Variants in RSBN1L observed in about 807,000 individuals in gnomAD.
RSBN1L encodes lysine-specific demethylase RSBN1L.
Under a neutral mutation model 67.7 loss-of-function variants are expected in RSBN1L, and 30 were observed. The ratio of observed to expected loss-of-function variants is 0.44; its 90% CI spans 0.33 to 0.60. RSBN1L has a LOEUF of 0.60. RSBN1L is among the 20% of genes least tolerant of loss of function. The pLI is 0.02. For synonymous variants in RSBN1L, 433 were observed against 387.0 expected, an observed-to-expected ratio of 1.12 and a Z score of -1.39; for missense variants, 992 against 1,031.7, an observed-to-expected ratio of 0.96 and a Z score of 0.53.
chr7:77,757,320 A>G (rs767776698), intron 3 of RSBN1L, among the ~76,000 whole-genome samples: 14 of 152,202 alleles, frequency 9.2e-5, no homozygotes, highest in Non-Finnish European at 7.3e-5. Flanking sequence ...TCTGTTTTCC[A>G]TCTTCATCTG....
Position 77,696,490 on chromosome 7 carries a change from C to G in RSBN1L, c.21C>G (p.Pro7=), listed in dbSNP as rs368115039. Residue 7 remains proline, a synonymous_variant, in exon 1 of 8, where the codon CCC becomes CCG. Coordinates refer to ENST00000334955, the MANE Select transcript of RSBN1L (RefSeq NM_198467.3). ...GCAAAATGGCGGAACCGCCGAGCCCCGTGCACTGTGTCGCTGCCGCGGCCC... is the reference window on the plus strand; with the variant it reads ...GCAAAATGGCGGAACCGCCGAGCCCGGTGCACTGTGTCGCTGCCGCGGCCC... MAEPPS[P]VHCVAAAAPT... 5.6e-6 allele frequency: 9 copies of G among 1,612,804 alleles called. No individual in the cohort carries two copies. In the African/African-American group the frequency reaches 1.2e-4, roughly 22 times the overall value.
At chr7:77,725,407 C>A (rs149252214) in intron 1 of RSBN1L, among the ~76,000 whole-genome samples, 1 of 31,680 alleles carries the variant, frequency 3.2e-5, no homozygotes, top group East Asian at 4.2e-4. Flanking sequence ...GCCACCATGC[C>A]CGGCTTATTT....
intron 6 of RSBN1L, among the ~76,000 whole-genome samples, chr7:77,774,926 G>A: frequency 6.6e-6 from 1 of 151,810 alleles, no homozygotes; most frequent in Non-Finnish European, 1.5e-5. Context: ...CAGTGGTGCT[G>A]TCATGGCTCA....
rs953174547 is a variant in RSBN1L at position 77,779,722 on chromosome 7, A to G, written c.*554A>G. 1 of 151,804 alleles carries G rather than the reference A, an allele frequency of 6.6e-6. No individual in the cohort carries two copies. The allele number at this position is 151,804 out of a possible 1,614,324, so 9.4% of individuals were successfully genotyped here. ...AATTCATTTAAGTCATTTGATAATG[A>G]TTCTCTGCTGGTATATCTATTTAGT... On this transcript the variant is annotated 3_prime_UTR_variant, in exon 8 of 8. Coordinates refer to ENST00000334955, the MANE Select transcript of RSBN1L (RefSeq NM_198467.3).
rs778958476 is a variant in RSBN1L at position 77,696,781 on chromosome 7, C to T, written c.312C>T (p.Phe104=). 4 of 1,613,816 alleles carry T rather than the reference C, an allele frequency of 2.5e-6. No homozygotes were observed. The highest frequency in any genetic ancestry group is 2.2e-5 in the East Asian group (1 of 44,890). ...APSPSSSRSS[F]SFSAGTAVPS... ...CCCCGTCCTCTTCTCGGAGCAGTTT[C>T]TCTTTCTCCGCTGGCACGGCCGTTC... Residue 104 remains phenylalanine, a synonymous_variant, in exon 1 of 8, where the codon TTC becomes TTT. Coordinates refer to ENST00000334955, the MANE Select transcript of RSBN1L (RefSeq NM_198467.3).
chr7:77,758,714 C>T (rs1165161923), intron 3 of RSBN1L, among the ~76,000 whole-genome samples: 3 of 152,104 alleles, frequency 2.0e-5, no homozygotes, highest in Non-Finnish European at 2.9e-5. Flanking sequence ...TGACCACGTT[C>T]GTTTTAGGTT....
At chr7:77,753,232 A>G (rs1791576262) in intron 3 of RSBN1L, among the ~76,000 whole-genome samples, 1 of 152,238 alleles carries the variant, frequency 6.6e-6, no homozygotes, top group Non-Finnish European at 1.5e-5. Context: ...CCAGTGTTCC[A>G]AAGTTAAATG....
At chr7:77,729,177 A>T (rs1791244164) in intron 1 of RSBN1L, among the ~76,000 whole-genome samples, 1 of 151,914 alleles carries the variant, frequency 6.6e-6, no homozygotes, top group Non-Finnish European at 1.5e-5. Context: ...TATGTGTGGA[A>T]TTCTTTTTAT....
chr7:77,765,624 T>C lies in RSBN1L; in HGVS notation c.1474T>C (p.Phe492Leu), dbSNP rs959028814. ...CCTTGACATGTTGGAAGAGTCACCATTTTTAAAAGTAAGAGACAATCTGTC... is the reference window on the plus strand; with the variant it reads ...CCTTGACATGTTGGAAGAGTCACCACTTTTAAAAGTAAGAGACAATCTGTC... The part of the protein sequence containing the change: ...EFLDMLEESP[F>L]LKCTLPWGTL... The change falls in exon 4 of 8, where the codon TTT becomes CTT. Residue 492 changes from phenylalanine to leucine, a missense_variant. Around this residue, in one of 7 missense-constraint regions of RSBN1L, gnomAD observed 67 missense variants for 130.5 expected, o/e 0.51. Transcript: ENST00000334955. 5.7e-6 allele frequency: 9 copies of C among 1,592,674 alleles called. No homozygotes were observed. The highest frequency in any genetic ancestry group is 5.2e-5 in the Admixed American group (3 of 57,390).
At chr7:77,729,665 A>G (rs1490188611) in intron 1 of RSBN1L, among the ~76,000 whole-genome samples, 2 of 152,168 alleles carry the variant, frequency 1.3e-5, no homozygotes, top group Non-Finnish European at 2.9e-5. Flanking sequence ...GTTTAAAATT[A>G]TTTTAGGCTG....
At chr7:77,775,555 T>C (rs1240544587) in intron 6 of RSBN1L, among the ~76,000 whole-genome samples, 1 of 152,204 alleles carries the variant, frequency 6.6e-6, no homozygotes, top group Non-Finnish European at 1.5e-5. Context: ...CTGTTTGATT[T>C]CTTTTTTAAC....
chr7:77,728,542 G>T (rs1354934381), intron 1 of RSBN1L, among the ~76,000 whole-genome samples: 4 of 152,208 alleles, frequency 2.6e-5, no homozygotes, highest in African/African-American at 9.6e-5. Context: ...CTCCTATGGT[G>T]TGGCGCTGCT....
rs1396986106 is a variant in RSBN1L at position 77,780,726 on chromosome 7, C to G, written c.*1558C>G. ...CTCCTCCCTACCCTAGCAAGGCAAA[C>G]AACTTGGAGTACTTCCTTTTCGAAA... On this transcript the variant is annotated 3_prime_UTR_variant, in exon 8 of 8. Coordinates refer to ENST00000334955, the MANE Select transcript of RSBN1L (RefSeq NM_198467.3). The G allele has an allele frequency of 6.6e-6, 1 of 152,206 alleles. No individual in the cohort carries two copies. The highest frequency in any genetic ancestry group is 1.9e-4 in the East Asian group (1 of 5,206). 9.4% of individuals were successfully genotyped at this position (152,206 alleles called of 1,614,324 possible). A position where few individuals can be genotyped will look rare whatever the true frequency, so the allele number is the denominator to read the frequency against.
intron 2 of RSBN1L, among the ~76,000 whole-genome samples, chr7:77,742,691 G>T (rs568853191): frequency 1.6e-4 from 25 of 152,210 alleles, no homozygotes; most frequent in Non-Finnish European, 3.5e-4. Flanking sequence ...TACAAAATTA[G>T]CCAGGCGTGG....
chr7:77,758,763 A>AT (rs1445263849), intron 3 of RSBN1L, among the ~76,000 whole-genome samples: 1 of 152,202 alleles, frequency 6.6e-6, no homozygotes, highest in Non-Finnish European at 1.5e-5. Flanking sequence ...TCACTCAGAC[A>AT]TTTATTGTGC....
intron 3 of RSBN1L, among the ~76,000 whole-genome samples, chr7:77,760,305 T>C (rs139813859): frequency 5.3e-5 from 8 of 152,274 alleles, no homozygotes; most frequent in African/African-American, 1.9e-4. Context: ...TTACTGGCAA[T>C]GGGTACAATA....
chr7:77,709,339 G>T (rs536151482), intron 1 of RSBN1L, among the ~76,000 whole-genome samples: 1 of 152,004 alleles, frequency 6.6e-6, no homozygotes, highest in African/African-American at 2.4e-5. Context: ...ACCCAGGCTG[G>T]AGTGCAGTGG....
chr7:77,752,383 G>A (rs1403535093), intron 3 of RSBN1L, among the ~76,000 whole-genome samples: 2 of 147,496 alleles, frequency 1.4e-5, no homozygotes, highest in Admixed American at 1.4e-4. Flanking sequence ...TGCAAGGCCC[G>A]TATTCCTTTT....
At chr7:77,746,923 G>C in intron 2 of RSBN1L, among the ~76,000 whole-genome samples, 1 of 152,218 alleles carries the variant, frequency 6.6e-6, no homozygotes, top group East Asian at 1.9e-4. Flanking sequence ...CAAGAGGTGG[G>C]CTCCCAGTGC....
Sources: gnomAD v4.1 joint callset for allele counts (sites outside exome capture counted in the v4.1 genomes callset) on GRCh38, gnomAD v4.1.1 for gene constraint, gnomAD v4.1.1 regional missense constraint, MANE v1.5 for transcripts, NCBI Gene and HGNC (gene_info 2026-07-23, HGNC 2026-07-21) for gene names.